STK10: variants seen among roughly 807,000 people sequenced by gnomAD.
STK10 encodes serine/threonine kinase 10.
Under a neutral mutation model 113.8 loss-of-function variants are expected in STK10, and 78 were observed. That is an observed-to-expected ratio of 0.69 (90% CI 0.57 to 0.83). STK10 has a LOEUF of 0.83. Ranked by LOEUF, STK10 falls within the 40% of genes least tolerant of loss-of-function variation. The pLI is 0.00. For missense variants in STK10, 1,109 were observed against 1,280.1 expected (o/e 0.87, Z 2.04); for synonymous variants, 465 against 494.7 (o/e 0.94, Z 0.80).
At chr5:172,184,970 C>T (rs1429403800) in intron 1 of STK10, among the ~76,000 whole-genome samples, 3 of 151,982 alleles carry the variant, frequency 2.0e-5, no homozygotes, top group Non-Finnish European at 2.9e-5. Flanking sequence ...CCTGGAGTCA[C>T]TTTTTTAAAA....
At chr5:172,144,202 T>C (rs762400794) in intron 2 of STK10, among the ~76,000 whole-genome samples, 1 of 152,226 alleles carries the variant, frequency 6.6e-6, no homozygotes, top group Non-Finnish European at 1.5e-5. Flanking sequence ...AACCAGAGTA[T>C]AGACCAAGGT....
At chr5:172,131,209 A>G (rs1260551478) in intron 2 of STK10, among the ~76,000 whole-genome samples, 10 of 151,650 alleles carry the variant, frequency 6.6e-5, no homozygotes, top group Non-Finnish European at 1.5e-4. Context: ...AATTTTTTGT[A>G]TTTTTTGGTA....
At chr5:172,057,218 G>T in intron 15 of STK10, 131 bp downstream of exon 15, 1 of 1,370,038 alleles carries the variant, frequency 7.3e-7, no homozygotes, top group Non-Finnish European at 9.9e-7. Flanking sequence ...ACTGCAGCCA[G>T]CCCTGGCTCC....
In STK10 at chr5:172,156,738, G is replaced by A; in HGVS notation, c.207C>T (p.Thr69=). The change falls in exon 2 of 19, where the codon ACC becomes ACT. Residue 69 remains threonine, a synonymous_variant. Coordinates refer to ENST00000176763, the MANE Select transcript of STK10 (RefSeq NM_005990.4). ...GALAAAKVIE[T]KSEEELEDYI... is the part of the protein sequence containing the mutation. Reference sequence around the variant, plus strand: ...AGTCCTCCAGCTCCTCCTCACTCTTGGTTTCAATGACTTTGGCCGCAGCCA... The same window carrying A: ...AGTCCTCCAGCTCCTCCTCACTCTTAGTTTCAATGACTTTGGCCGCAGCCA... The A allele has an allele frequency of 6.2e-7, 1 of 1,614,122 alleles. No homozygotes were observed. The highest frequency in any genetic ancestry group is 8.5e-7 in the Non-Finnish European group (1 of 1,179,988).
chr5:172,153,648 G>A (rs981529821), intron 2 of STK10, among the ~76,000 whole-genome samples: 1 of 152,338 alleles, frequency 6.6e-6, no homozygotes, highest in South Asian at 2.1e-4. Flanking sequence ...CCCAGGTCCA[G>A]AACTGGTTTT....
chr5:172,144,327 C>T (rs974737156), intron 2 of STK10, among the ~76,000 whole-genome samples: 1 of 152,232 alleles, frequency 6.6e-6, no homozygotes, highest in African/African-American at 2.4e-5. Flanking sequence ...CCATCAGCCC[C>T]CCAGGCCTCC....
chr5:172,150,872 C>T (rs540894078), intron 2 of STK10, among the ~76,000 whole-genome samples: 22 of 152,344 alleles, frequency 1.4e-4, no homozygotes, highest in South Asian at 4.1e-4. Context: ...AGGGTAACCA[C>T]GGCGCCAGCC....
chr5:172,085,253 GA>G (rs1160966090), intron 10 of STK10, among the ~76,000 whole-genome samples: 1 of 148,720 alleles, frequency 6.7e-6, no homozygotes, highest in African/African-American at 2.5e-5. Flanking sequence ...GTTAAAAAAA[GA>G]AAAAAAAATT....
chr5:172,060,862 C>T (rs1045250233), intron 14 of STK10, among the ~76,000 whole-genome samples: 3 of 152,216 alleles, frequency 2.0e-5, no homozygotes, highest in African/African-American at 4.8e-5. Flanking sequence ...CTCCACCTCC[C>T]GTAAATCCAG....
intron 2 of STK10, among the ~76,000 whole-genome samples, chr5:172,128,588 C>T (rs1769680848): frequency 6.6e-6 from 1 of 152,228 alleles, no homozygotes; most frequent in African/African-American, 2.4e-5. Flanking sequence ...GCCCTGGCCT[C>T]CCAAAGTGCT....
Position 172,106,255 on chromosome 5 carries a change from A to G in STK10, c.788+365T>C, listed in dbSNP as rs549402745. Among the ~76,000 whole-genome samples, 3 of 151,894 alleles carry G rather than the reference A, an allele frequency of 2.0e-5. No homozygotes were observed. The East Asian group carries it at 5.8e-4, about 30-fold the overall frequency. ...GGAGACCTTGTCTCTACAGAAAATT[A>G]GCCAGGCATGGTGGTGGGTGCCTGT... On this transcript the variant is annotated intron_variant, in intron 6 of 18. Coordinates refer to ENST00000176763, the MANE Select transcript of STK10 (RefSeq NM_005990.4).
At chr5:172,090,450 GC>G (rs1768674685) in intron 9 of STK10, 88 bp from the exon 10 acceptor site, 1 of 1,527,092 alleles carries the variant, frequency 6.5e-7, no homozygotes, top group Admixed American at 2.0e-5. Context: ...GCTCTGCTGG[GC>G]CCACAGCTTC....
At chr5:172,052,793 A>G in intron 18 of STK10, 136 bp downstream of exon 18, 1 of 793,402 alleles carries the variant, frequency 1.3e-6, no homozygotes, top group Non-Finnish European at 2.0e-6. Flanking sequence ...CCTCTCTCTC[A>G]GGCTGGAGAT....
chr5:172,156,807 G>A lies in STK10; in HGVS notation c.157-19C>T, dbSNP rs763302009. On this transcript the variant is annotated intron_variant, in intron 1 of 18. Transcript: ENST00000176763. ...TCTTGGCCTGCAAAGAGGAGATACA[G>A]GAGGTCAACAAGGCATGCTCCGCAG... The A allele has an allele frequency of 2.5e-6, 4 of 1,604,338 alleles. No individual in the cohort carries two copies. The highest frequency in any genetic ancestry group is 1.7e-4 in the Middle Eastern group (1 of 6,030).
Position 172,054,704 on chromosome 5 carries a change from A to G in STK10, c.2527-10T>C, listed in dbSNP as rs1156653375. ...CCTCCTGCTGGGAGAACTGCACCAG[A>G]GAGAGGGTGGGTGCCTCAGGGGACC... On this transcript the variant is annotated splice_polypyrimidine_tract_variant and intron_variant, in intron 16 of 18. Transcript: ENST00000176763. 6.2e-7 allele frequency: 1 copy of G among 1,607,930 alleles called. No individual in the cohort carries two copies. Among genetic ancestry groups the G allele is most frequent in the Non-Finnish European group, 8.5e-7 (1 of 1,179,952 alleles).
intron 1 of STK10, among the ~76,000 whole-genome samples, chr5:172,171,644 G>C (rs1770666542): frequency 6.6e-6 from 1 of 150,412 alleles, no homozygotes; most frequent in East Asian, 1.9e-4. Context: ...GGACCCGTGA[G>C]GCAGAGGTTG....
intron 12 of STK10, among the ~76,000 whole-genome samples, chr5:172,077,273 T>C (rs1768332754): frequency 6.6e-6 from 1 of 152,236 alleles, no homozygotes; most frequent in Non-Finnish European, 1.5e-5. Context: ...CCTTCGAGGG[T>C]TACAATTCTG....
chr5:172,145,498 C>G (rs184150260), intron 2 of STK10, among the ~76,000 whole-genome samples: 1 of 152,336 alleles, frequency 6.6e-6, no homozygotes, highest in East Asian at 1.9e-4. Context: ...CGCGCTGGCC[C>G]GCTCAGAGCC....
chr5:172,092,493 C>T (rs547746952), intron 9 of STK10: 1 of 152,220 alleles, frequency 6.6e-6, no homozygotes, highest in African/African-American at 2.4e-5. Flanking sequence ...AGACGCTGCT[C>T]ACAGGTAACA....
Sources: gnomAD v4.1 joint callset for allele counts (sites outside exome capture counted in the v4.1 genomes callset) on GRCh38, gnomAD v4.1.1 for gene constraint, MANE v1.5 for transcripts, NCBI Gene and HGNC (gene_info 2026-07-23, HGNC 2026-07-21) for gene names.